The following MOSPD2 variants were observed in gnomAD, a reference collection of about 807,000 sequenced individuals.
The protein encoded by MOSPD2 is motile sperm domain-containing protein 2.
MOSPD2 carries 5 observed loss-of-function variants against 41.7 expected under a neutral mutation model. That is an observed-to-expected ratio of 0.12 (90% CI 0.06 to 0.25). The LOEUF is 0.25. Ranked by LOEUF, MOSPD2 falls within the 10% of genes least tolerant of loss-of-function variation. The probability of loss-of-function intolerance (pLI) is 1.00; values close to 1 mark genes in which losing one functional copy is unlikely to be tolerated. For synonymous variants in MOSPD2, 115 were observed against 126.9 expected, an observed-to-expected ratio of 0.91 and a Z score of 0.63; for missense variants, 282 against 375.2, an observed-to-expected ratio of 0.75 and a Z score of 2.05.
At chrX:14,894,634 C>G (rs984412124) in intron 3 of MOSPD2, among the ~76,000 whole-genome samples, 3 of 110,341 alleles carry the variant, frequency 2.7e-5, no homozygotes, top group Non-Finnish European at 5.7e-5. Flanking sequence ...ATATTTTTAT[C>G]TTTGTAGAGA....
At chrX:14,904,451 G>T (rs142639747) in intron 7 of MOSPD2, among the ~76,000 whole-genome samples, 1 of 111,422 alleles carries the variant, frequency 9.0e-6, no homozygotes, top group South Asian at 3.7e-4. Context: ...AACTAGCAAC[G>T]TAAGGTGCAA....
At chrX:14,896,433 T>C (rs889810852) in intron 4 of MOSPD2, among the ~76,000 whole-genome samples, 3 of 111,938 alleles carry the variant, frequency 2.7e-5, no homozygotes, top group Non-Finnish European at 3.8e-5. Flanking sequence ...ATTCAGTTTC[T>C]AACTACTACA....
chrX:14,884,893 A>G (rs748123545), intron 2 of MOSPD2, among the ~76,000 whole-genome samples: 32 of 111,422 alleles, frequency 2.9e-4, no homozygotes, highest in African/African-American at 9.8e-4. Context: ...AACTAACAAC[A>G]TAAAAAACTA....
intron 10 of MOSPD2, among the ~76,000 whole-genome samples, chrX:14,913,697 C>T (rs2147502783): frequency 8.9e-6 from 1 of 111,926 alleles, no homozygotes; most frequent in Admixed American, 9.5e-5. Context: ...ATAAAATTAA[C>T]CTATTTAAAG....
At chrX:14,915,814 A>G in intron 12 of MOSPD2, 50 bp downstream of exon 12, 2 of 1,024,265 alleles carry the variant, frequency 2.0e-6, no homozygotes, top group South Asian at 3.9e-5. Context: ...GGTGGGGGTA[A>G]GGGGACCTGG....
In MOSPD2 at chrX:14,921,743, C is replaced by A. The variant is rs1369912149; in HGVS notation, c.*1934C>A. On this transcript the variant is annotated 3_prime_UTR_variant, in exon 15 of 15. Coordinates refer to ENST00000380492, the MANE Select transcript of MOSPD2 (RefSeq NM_152581.4). Reference sequence around the variant, plus strand: ...GATTACTGAAAATTCACTATAAAATCAAAGGCATCTAAACGTTTGTACTTG... The same window carrying A: ...GATTACTGAAAATTCACTATAAAATAAAAGGCATCTAAACGTTTGTACTTG... 1 of 141,287 alleles carries A rather than the reference C, an allele frequency of 7.1e-6. No homozygotes were observed. Among genetic ancestry groups the A allele is most frequent in the Non-Finnish European group, 1.4e-5 (1 of 72,605 alleles). 11.6% of individuals were successfully genotyped at this position (141,287 alleles called of 1,213,427 possible). A position where few individuals can be genotyped will look rare whatever the true frequency, so the allele number is the denominator to read the frequency against.
chrX:14,875,912 G>C (rs2092519313), intron 2 of MOSPD2, among the ~76,000 whole-genome samples: 1 of 111,772 alleles, frequency 8.9e-6, no homozygotes, highest in Non-Finnish European at 1.9e-5. Context: ...TCCTCCAGTA[G>C]AGTGTACATG....
At chrX:14,893,941 G>A (rs1390653276) in intron 3 of MOSPD2, among the ~76,000 whole-genome samples, 2 of 111,923 alleles carry the variant, frequency 1.8e-5, no homozygotes, top group African/African-American at 6.5e-5. Flanking sequence ...GGTAAAAGGG[G>A]ATGGGGAAAG....
At chrX:14,899,565 TACAC>T (rs59555716) in intron 5 of MOSPD2, among the ~76,000 whole-genome samples, 2,826 of 81,009 alleles carry the variant, frequency 0.035, 46 homozygotes, top group African/African-American at 0.056. Flanking sequence ...ATTATATACA[TACAC>T]ACACACACAC....
chrX:14,907,442 G>C (rs1039027429), intron 7 of MOSPD2, among the ~76,000 whole-genome samples: 2 of 112,257 alleles, frequency 1.8e-5, no homozygotes, highest in Non-Finnish European at 3.8e-5. Context: ...ATAACAAAAA[G>C]TGGAAACAGC....
At chrX:14,911,093 T>G in intron 8 of MOSPD2, 144 bp from the exon 9 acceptor site, 1 of 522,669 alleles carries the variant, frequency 1.9e-6, no homozygotes, top group South Asian at 3.5e-5. Flanking sequence ...TTTTTCTTTC[T>G]GGTTTGAAAT....
At position 14,918,724 on chromosome X, in the gene MOSPD2, C is replaced by A. The variant is rs772206668; in HGVS notation, c.1361C>A (p.Thr454Lys). ...GAAAGCAGTAAACCAAACACTCTTACGTTAAAAGACAATGCTTTCAATATG... is the reference window on the plus strand; with the variant it reads ...GAAAGCAGTAAACCAAACACTCTTAAGTTAAAAGACAATGCTTTCAATATG... Reference protein sequence around the residue: ...TVESSKPNTLTLKDNAFNMSD... With the variant: ...TVESSKPNTLKLKDNAFNMSD... Residue 454 changes from threonine (T) to lysine (K), a missense_variant, in exon 14 of 15, where the codon ACG (threonine) becomes AAG (lysine). By Grantham distance (78) the Thr-to-Lys change is moderately conservative. This residue lies in a region of MOSPD2 where 94 missense variants were observed against 102.1 expected (regional missense o/e 0.92). Transcript: ENST00000380492. The A allele has an allele frequency of 8.3e-7, 1 of 1,201,691 alleles. No individual in the cohort carries two copies. The highest frequency in any genetic ancestry group is 3.0e-5 in the East Asian group (1 of 33,741).
chrX:14,892,065 T>A (rs1474905672), intron 2 of MOSPD2, among the ~76,000 whole-genome samples: 10 of 112,239 alleles, frequency 8.9e-5, no homozygotes, highest in Non-Finnish European at 1.9e-4. Flanking sequence ...GTGTAATTTT[T>A]AACATCTGTA....
chrX:14,891,181 C>T (rs190567868), intron 2 of MOSPD2, among the ~76,000 whole-genome samples: 227 of 112,152 alleles, frequency 2.0e-3, no homozygotes, highest in Non-Finnish European at 3.3e-3. Flanking sequence ...ATTGCTTTTG[C>T]ACCAACCTAA....
At chrX:14,873,600 G>C in intron 1 of MOSPD2, 63 bp downstream of exon 1, 4 of 1,209,108 alleles carry the variant, frequency 3.3e-6, no homozygotes, top group Non-Finnish European at 4.5e-6. Context: ...GAGGCCCGGG[G>C]ACCGAGCGCC....
intron 2 of MOSPD2, among the ~76,000 whole-genome samples, chrX:14,886,571 G>GAA (rs1028965118): frequency 9.3e-6 from 1 of 107,900 alleles, no homozygotes; most frequent in Non-Finnish European, 1.9e-5. Context: ...GAGAGAGAGA[G>GAA]AAATCAGCAA....
chrX:14,895,249 T>A (rs924631780), intron 3 of MOSPD2, 59 bp from the exon 4 acceptor site: 22 of 639,709 alleles, frequency 3.4e-5, no homozygotes, highest in Non-Finnish European at 5.7e-5. Context: ...CTTTACATTA[T>A]GAGTTTTATT....
intron 5 of MOSPD2, among the ~76,000 whole-genome samples, chrX:14,897,678 T>C (rs1169445053): frequency 8.9e-6 from 1 of 112,588 alleles, no homozygotes; most frequent in Non-Finnish European, 1.9e-5. Flanking sequence ...TTGCAAGATG[T>C]TCACATGAGT....
chrX:14,921,279 G>A lies in MOSPD2; in HGVS notation c.*1470G>A. On this transcript the variant is annotated 3_prime_UTR_variant, in exon 15 of 15. Coordinates refer to ENST00000380492, the MANE Select transcript of MOSPD2 (RefSeq NM_152581.4). Reference sequence around the variant, plus strand: ...GAAGTTGATTCCAAAACTGAGTTATGAAGAATGATATAACAGTTCCTTCAA... The same window carrying A: ...GAAGTTGATTCCAAAACTGAGTTATAAAGAATGATATAACAGTTCCTTCAA... 1.1e-6 allele frequency: 1 copy of A among 931,109 alleles called. No homozygotes were observed. Among genetic ancestry groups the A allele is most frequent in the Non-Finnish European group, 1.3e-6 (1 of 751,734 alleles). The allele number at this position is 931,109 out of a possible 1,213,427, so 76.7% of individuals were successfully genotyped here.
Sources: allele counts gnomAD v4.1 joint callset (sites outside exome capture counted in the v4.1 genomes callset), GRCh38; gene constraint gnomAD v4.1.1; regional missense constraint gnomAD v4.1.1; transcripts MANE v1.5; gene names NCBI Gene and HGNC (gene_info 2026-07-23, HGNC 2026-07-21).